The following AKAP6 variants were observed in gnomAD, a reference collection of about 807,000 sequenced individuals.
AKAP6 encodes the protein A-kinase anchor protein 6.
In AKAP6, 58 loss-of-function variants were observed where a neutral mutation model predicts 188.5. The ratio of observed to expected loss-of-function variants is 0.31; its 90% confidence interval spans 0.25 to 0.38. The LOEUF (loss-of-function observed/expected upper bound fraction) is 0.38, where lower values mean the gene tolerates loss of function less well. Ranked by LOEUF, AKAP6 falls within the 10% of genes least tolerant of loss-of-function variation. AKAP6 has a pLI of 1.00. For missense variants in AKAP6, 2,710 were observed against 2,740.0 expected, an observed-to-expected ratio of 0.99 and a Z score of 0.24; for synonymous variants, 989 against 998.6, an observed-to-expected ratio of 0.99 and a Z score of 0.18.
chr14:32,781,997 C>G (rs2033266055), intron 12 of AKAP6, among the ~76,000 whole-genome samples: 1 of 151,968 alleles, frequency 6.6e-6, no homozygotes. Flanking sequence ...ACCCCCATCT[C>G]TACTAAAAAT....
intron 4 of AKAP6, among the ~76,000 whole-genome samples, chr14:32,562,913 A>G (rs1203154352): frequency 3.3e-5 from 5 of 152,080 alleles, no homozygotes; most frequent in Non-Finnish European, 7.4e-5. Context: ...GGTGCATGCC[A>G]TTGTATTTAT....
chr14:32,769,037 A>ATTTTTGTTTTTTTTTTT (rs2032807212), intron 11 of AKAP6, among the ~76,000 whole-genome samples: 2 of 56,924 alleles, frequency 3.5e-5, no homozygotes, highest in Non-Finnish European at 5.9e-5. Flanking sequence ...TGCTCTTTTG[A>ATTTTTGTTTTTTTTTTT]TTTTTTTTTT....
intron 12 of AKAP6, among the ~76,000 whole-genome samples, chr14:32,780,156 AC>A (rs199650263): frequency 9.7e-5 from 11 of 113,912 alleles, no homozygotes; most frequent in African/African-American, 1.4e-4. Flanking sequence ...GAAAAAAAAA[AC>A]ATATATATAT....
At position 32,822,059 on chromosome 14, in the gene AKAP6, G is replaced by A; in HGVS notation, c.4246G>A (p.Glu1416Lys). The change falls in exon 13 of 14, where the codon GAG becomes AAG. Residue 1416 changes from glutamate to lysine, a missense_variant. Physicochemically the swap from Glu to Lys is moderately conservative, Grantham distance 56. Around this residue, in one of 2 missense-constraint regions of AKAP6, gnomAD observed 2,473 missense variants for 2,426.1 expected, o/e 1.02. Coordinates refer to ENST00000280979, the MANE Select transcript of AKAP6 (RefSeq NM_004274.5). ...VNVLKQKFTD[E>K]GESIKLPNSS... ...CGTGTTAAAGCAAAAATTTACAGAT[G>A]AGGGGGAAAGCATTAAGCTTCCAAA... is the stretch of plus-strand genomic sequence containing the variant. 1.2e-6 allele frequency: 2 copies of A among 1,613,918 alleles called. No homozygotes were observed. Among genetic ancestry groups the A allele is most frequent in the Middle Eastern group, 1.7e-4 (1 of 6,060 alleles).
chr14:32,367,681 C>T (rs1235913181), intron 1 of AKAP6, among the ~76,000 whole-genome samples: 1 of 152,120 alleles, frequency 6.6e-6, no homozygotes, highest in East Asian at 1.9e-4. Flanking sequence ...CCCTTTTGTT[C>T]TACTTAATCC....
At chr14:32,347,710 G>A (rs1887112911) in intron 1 of AKAP6, among the ~76,000 whole-genome samples, 1 of 152,174 alleles carries the variant, frequency 6.6e-6, no homozygotes, top group Admixed American at 6.5e-5. Context: ...CAATGCCCCT[G>A]ACTATATGGT....
intron 9 of AKAP6, among the ~76,000 whole-genome samples, chr14:32,730,345 C>A (rs996994499): frequency 2.6e-5 from 4 of 152,134 alleles, no homozygotes; most frequent in Non-Finnish European, 4.4e-5. Context: ...CACATAAAGA[C>A]AAGTTTCTTT....
intron 11 of AKAP6, among the ~76,000 whole-genome samples, chr14:32,737,899 C>T (rs1680028324): frequency 1.3e-5 from 2 of 152,138 alleles, no homozygotes; most frequent in African/African-American, 4.8e-5. Flanking sequence ...GACAAGGGAT[C>T]AGGATCTTCA....
intron 1 of AKAP6, among the ~76,000 whole-genome samples, chr14:32,400,462 C>G (rs975447651): frequency 1.2e-4 from 18 of 146,070 alleles, no homozygotes; most frequent in African/African-American, 4.5e-4. Context: ...ACTTTTCATT[C>G]CTGAGAGTTT....
chr14:32,767,784 C>CT, intron 11 of AKAP6, among the ~76,000 whole-genome samples: 1 of 152,214 alleles, frequency 6.6e-6, no homozygotes, highest in East Asian at 1.9e-4. Flanking sequence ...TAATAATGAT[C>CT]TTTTTTATTC....
intron 2 of AKAP6, among the ~76,000 whole-genome samples, chr14:32,477,910 A>G (rs147714525): frequency 8.2e-4 from 124 of 151,092 alleles, no homozygotes; most frequent in African/African-American, 3.0e-3. Context: ...ATGGAGGTGC[A>G]ATGAGCCTTA....
chr14:32,357,732 T>C (rs958588332), intron 1 of AKAP6, among the ~76,000 whole-genome samples: 1 of 152,234 alleles, frequency 6.6e-6, no homozygotes, highest in African/African-American at 2.4e-5. Context: ...TCATAATAGA[T>C]TGACTTAATT....
chr14:32,725,156 T>G (rs2030806867), intron 9 of AKAP6, among the ~76,000 whole-genome samples: 1 of 151,330 alleles, frequency 6.6e-6, no homozygotes, highest in South Asian at 2.1e-4. Flanking sequence ...ACTTTTCCCC[T>G]TTTACTAGCT....
intron 7 of AKAP6, among the ~76,000 whole-genome samples, chr14:32,628,627 T>A (rs1887126078): frequency 6.6e-6 from 1 of 152,122 alleles, no homozygotes; most frequent in South Asian, 2.1e-4. Context: ...CCTGTTTATA[T>A]GGCTAGATTT....
chr14:32,580,600 C>A (rs1048742481), intron 5 of AKAP6, among the ~76,000 whole-genome samples: 1 of 152,046 alleles, frequency 6.6e-6, no homozygotes, highest in South Asian at 2.1e-4. Context: ...ATGTGCACAA[C>A]GTGCAGGTTA....
At chr14:32,804,782 C>T (rs1432811236) in intron 12 of AKAP6, among the ~76,000 whole-genome samples, 1 of 152,054 alleles carries the variant, frequency 6.6e-6, no homozygotes, top group Non-Finnish European at 1.5e-5. Flanking sequence ...CCAGAGCAGC[C>T]ATTTATAGAC....
chr14:32,712,166 C>T (rs553117363), intron 9 of AKAP6, among the ~76,000 whole-genome samples: 2 of 152,060 alleles, frequency 1.3e-5, no homozygotes, highest in Admixed American at 6.6e-5. Context: ...CTTTTGGTTT[C>T]GCAGTGCATA....
intron 5 of AKAP6, among the ~76,000 whole-genome samples, chr14:32,588,891 A>C (rs1018219397): frequency 4.6e-4 from 70 of 152,362 alleles, no homozygotes; most frequent in African/African-American, 1.5e-3. Flanking sequence ...CTCATAAGAA[A>C]AACCAATATA....
intron 13 of AKAP6, among the ~76,000 whole-genome samples, chr14:32,825,477 G>A (rs2034651269): frequency 6.6e-6 from 1 of 152,204 alleles, no homozygotes; most frequent in African/African-American, 2.4e-5. Context: ...TACATGACAA[G>A]TTAATGGCGT....
Sources: gnomAD v4.1 joint callset for allele counts (sites outside exome capture counted in the v4.1 genomes callset) on GRCh38, gnomAD v4.1.1 for gene constraint, gnomAD v4.1.1 regional missense constraint, MANE v1.5 for transcripts, NCBI Gene and HGNC (gene_info 2026-07-23, HGNC 2026-07-21) for gene names.